CHLSN: variants seen among roughly 807,000 people sequenced by gnomAD.
CHLSN encodes the protein cholesin, also known as protein cholesin.
chr7:1,107,240 G>C, the CHLSN span, among the ~76,000 whole-genome samples: 1 of 152,110 alleles, frequency 6.6e-6, no homozygotes, highest in Non-Finnish European at 1.5e-5. Flanking sequence ...CTATCCCCAA[G>C]CTCAGTGGGC....
chr7:1,031,325 A>T, the CHLSN span, among the ~76,000 whole-genome samples: 6 of 152,106 alleles, frequency 3.9e-5, no homozygotes, highest in African/African-American at 1.5e-4. Context: ...GAAGGAAATC[A>T]GCGAAACAGC....
chr7:1,011,007 C>T, the CHLSN span, among the ~76,000 whole-genome samples: 1 of 151,828 alleles, frequency 6.6e-6, no homozygotes, highest in Non-Finnish European at 1.5e-5. Context: ...CATCCCACCC[C>T]AGGGAGAGCA....
At chr7:1,057,917 G>A in the CHLSN span, 10 of 775,228 alleles carry the variant, frequency 1.3e-5, no homozygotes, top group Admixed American at 1.7e-5. Context: ...GTGCACTGCC[G>A]CGGACCTACA....
chr7:1,080,635 G>C, the CHLSN span, among the ~76,000 whole-genome samples: 1 of 152,358 alleles, frequency 6.6e-6, no homozygotes, highest in African/African-American at 2.4e-5. Context: ...TGTGGTGAAA[G>C]CCAAAAGGAG....
the CHLSN span, among the ~76,000 whole-genome samples, chr7:1,047,787 T>A: frequency 6.6e-6 from 1 of 152,180 alleles, no homozygotes; most frequent in African/African-American, 2.4e-5. Flanking sequence ...TCAACAACTG[T>A]CCGGGGACAA....
chr7:1,071,142 C>T, the CHLSN span, among the ~76,000 whole-genome samples: 2 of 152,240 alleles, frequency 1.3e-5, no homozygotes, highest in Non-Finnish European at 2.9e-5. Context: ...TCATAGAGGC[C>T]CCGCACGCGG....
the CHLSN span, among the ~76,000 whole-genome samples, chr7:1,067,514 C>A: frequency 1.7e-4 from 13 of 74,974 alleles, no homozygotes; most frequent in South Asian, 5.0e-3. Flanking sequence ...TGGAATACAC[C>A]CAGAGGTGAG....
chr7:1,014,794 CACGGCAGCG>C, the CHLSN span, among the ~76,000 whole-genome samples: 1 of 151,764 alleles, frequency 6.6e-6, no homozygotes, highest in African/African-American at 2.4e-5. Context: ...GGCCGCCGGC[CACGGCAGCG>C]ATCCGGCCAC....
chr7:1,098,799 G>A, the CHLSN span, among the ~76,000 whole-genome samples: 1 of 152,258 alleles, frequency 6.6e-6, no homozygotes, highest in South Asian at 2.1e-4. Context: ...CAGGACAGAA[G>A]GCTGGGAAGC....
At chr7:1,019,960 T>A in the CHLSN span, among the ~76,000 whole-genome samples, 1 of 152,234 alleles carries the variant, frequency 6.6e-6, no homozygotes, top group Non-Finnish European at 1.5e-5. Flanking sequence ...ACGGGGCACC[T>A]GGACGAGGGC....
the CHLSN span, among the ~76,000 whole-genome samples, chr7:1,002,392 T>C: frequency 9.8e-5 from 11 of 112,422 alleles, no homozygotes; most frequent in Non-Finnish European, 7.3e-5. Flanking sequence ...GGGAGTCCTG[T>C]GGGTGAGTGG....
At chr7:1,134,607 G>A in the CHLSN span, among the ~76,000 whole-genome samples, 37 of 149,070 alleles carry the variant, frequency 2.5e-4, no homozygotes, top group Admixed American at 7.4e-4. Context: ...GGTGGCTCAC[G>A]CCTATAATCC....
At chr7:1,016,116 G>GCAGCACACAGCAGCACACGC in the CHLSN span, among the ~76,000 whole-genome samples, 17 of 59,238 alleles carry the variant, frequency 2.9e-4, 1 homozygote, top group Non-Finnish European at 3.5e-4. Flanking sequence ...GCAGCGCACA[G>GCAGCACACAGCAGCACACGC]CAGCACACAG....
the CHLSN span, chr7:984,513 C>T: frequency 1.0e-5 from 16 of 1,552,528 alleles, no homozygotes; most frequent in East Asian, 2.4e-5. Flanking sequence ...TGGCGGGCCC[C>T]GGGCAGGAGC....
chr7:1,020,742 C>G, the CHLSN span, among the ~76,000 whole-genome samples: 1 of 152,240 alleles, frequency 6.6e-6, no homozygotes, highest in African/African-American at 2.4e-5. Flanking sequence ...ACCAGCCCAT[C>G]ACTGCCGTCT....
the CHLSN span, among the ~76,000 whole-genome samples, chr7:1,083,502 C>G: frequency 6.6e-6 from 1 of 152,064 alleles, no homozygotes; most frequent in Non-Finnish European, 1.5e-5. Context: ...GTGGCAGACG[C>G]CTGTAGTCCC....
the CHLSN span, among the ~76,000 whole-genome samples, chr7:1,096,122 C>T: frequency 4.6e-5 from 7 of 152,348 alleles, no homozygotes; most frequent in East Asian, 1.2e-3. This position sits in a 1 kb window ranked among gnomAD's most constrained non-coding sequence, Gnocchi z 4.6. Flanking sequence ...GGCTTCCATC[C>T]TGCCCGCACC....
the CHLSN span, among the ~76,000 whole-genome samples, chr7:999,168 A>G: frequency 3.3e-5 from 5 of 152,254 alleles, no homozygotes; most frequent in Non-Finnish European, 7.3e-5. Context: ...AAAGTTTTGT[A>G]TAAAGTTTAC....
chr7:1,015,280 T>C, the CHLSN span, among the ~76,000 whole-genome samples: 1 of 151,998 alleles, frequency 6.6e-6, no homozygotes, highest in South Asian at 2.1e-4. Flanking sequence ...AGAGCAGGTG[T>C]GGGCTCCCCG....
Sources: allele counts gnomAD v4.1 joint callset (sites outside exome capture counted in the v4.1 genomes callset), GRCh38; gene constraint gnomAD v4.1.1; non-coding constraint Gnocchi (gnomAD v3.1); transcripts MANE v1.5; gene names NCBI Gene and HGNC (gene_info 2026-07-23, HGNC 2026-07-21).